TBC1D31: variants seen among roughly 807,000 people sequenced by gnomAD.
The protein encoded by TBC1D31 is WD repeat domain 67.
In TBC1D31, 99 loss-of-function variants were observed where a neutral mutation model predicts 132.9. That is an observed-to-expected ratio of 0.74 (90% CI 0.63 to 0.88). The LOEUF is 0.88. Among genes scored for constraint, TBC1D31 ranks in the 40% least tolerant of loss-of-function variants. The pLI is 0.00. For missense variants in TBC1D31, 1,134 were observed against 1,256.6 expected (o/e 0.90, Z 1.48); for synonymous variants, 385 against 419.4 (o/e 0.92, Z 1.00).
At chr8:123,150,588 G>A (rs775712129) in intron 21 of TBC1D31, among the ~76,000 whole-genome samples, 4 of 152,184 alleles carry the variant, frequency 2.6e-5, no homozygotes, top group East Asian at 3.9e-4. Context: ...TGGGCACTCC[G>A]ATGGAATTCT....
intron 1 of TBC1D31, among the ~76,000 whole-genome samples, chr8:123,076,334 GTGTA>G (rs1458974915): frequency 8.7e-5 from 8 of 91,918 alleles, no homozygotes; most frequent in South Asian, 3.3e-4. Context: ...TTTTAATTGT[GTGTA>G]TGTGTGTGTG....
At chr8:123,156,713 C>A (rs571958599), downstream of TBC1D31, among the ~76,000 whole-genome samples, 2 of 152,270 alleles carry the variant, frequency 1.3e-5, no homozygotes, top group African/African-American at 4.8e-5. Context: ...CCCTGACACC[C>A]CTCTCCCAGA....
At chr8:123,084,070 C>T in intron 3 of TBC1D31, 92 bp from the exon 4 acceptor site, 1 of 1,068,810 alleles carries the variant, frequency 9.4e-7, no homozygotes, top group Non-Finnish European at 1.4e-6. Flanking sequence ...CCTAACCACC[C>T]ATTGCATCAG....
intron 5 of TBC1D31, 120 bp from the exon 6 acceptor site, chr8:123,097,162 G>A (rs758574074): frequency 2.6e-5 from 26 of 987,176 alleles, no homozygotes; most frequent in Non-Finnish European, 3.9e-5. Context: ...CATGGGACTA[G>A]TGTGACCATA....
chr8:123,100,919 G>A lies in TBC1D31; in HGVS notation c.944G>A (p.Ser315Asn). Residue 315 changes from serine to asparagine, a missense_variant, in exon 7 of 22, where the codon AGC becomes AAC. Coordinates refer to ENST00000287380, the MANE Select transcript of TBC1D31 (RefSeq NM_145647.4). ...LDEGISSSAISPHGRYIASIM... is the reference protein window; with the variant it reads ...LDEGISSSAINPHGRYIASIM... ...GAAGGAATTAGCTCATCAGCAATTA[G>A]CCCACATGGACGGTACATTGCATCT... 1 of 1,613,944 alleles carries A rather than the reference G, an allele frequency of 6.2e-7. No homozygotes were observed. The highest frequency in any genetic ancestry group is 8.5e-7 in the Non-Finnish European group (1 of 1,179,888).
In TBC1D31 at chr8:123,142,451, A is replaced by G. The variant is rs2080460214; in HGVS notation, c.2830A>G (p.Lys944Glu). The G allele has an allele frequency of 6.4e-7, 1 of 1,557,526 alleles. No individual in the cohort carries two copies. The highest frequency in any genetic ancestry group is 2.1e-5 in the Admixed American group (1 of 47,480). Residue 944 changes from lysine to glutamate, a missense_variant, in exon 19 of 22, where the codon AAG becomes GAG. Coordinates refer to ENST00000287380, the MANE Select transcript of TBC1D31 (RefSeq NM_145647.4). ...IINAMVEEEA[K>E]KWKEAEGKEF... is the part of the protein sequence containing the mutation. ...AAATGCAATGGTGGAGGAGGAAGCC[A>G]AGAAGGTAAAAAATAGTGTTATAAA...
intron 4 of TBC1D31, among the ~76,000 whole-genome samples, chr8:123,089,707 C>G (rs1242661651): frequency 3.9e-5 from 6 of 151,976 alleles, no homozygotes. Flanking sequence ...GCTCCTGTCT[C>G]AAAAAAACAA....
At chr8:123,101,626 G>C (rs1040065685) in intron 7 of TBC1D31, among the ~76,000 whole-genome samples, 1 of 152,078 alleles carries the variant, frequency 6.6e-6, no homozygotes, top group Non-Finnish European at 1.5e-5. Context: ...TGTTGGTCAG[G>C]CTGGTCTCAA....
intron 10 of TBC1D31, among the ~76,000 whole-genome samples, chr8:123,113,058 A>G (rs1401944592): frequency 6.6e-6 from 1 of 152,218 alleles, no homozygotes; most frequent in Non-Finnish European, 1.5e-5. Context: ...ACATTACTTC[A>G]AAAATGATGA....
At chr8:123,126,469 T>C (rs746367992) in intron 12 of TBC1D31, 39 bp from the exon 13 acceptor site, 2 of 1,574,986 alleles carry the variant, frequency 1.3e-6, no homozygotes, top group African/African-American at 1.4e-5. Context: ...TTTTTACTTT[T>C]CCCTAGAAAA....
Position 123,097,338 on chromosome 8 carries a change from T to C in TBC1D31, c.728T>C (p.Leu243Ser), listed in dbSNP as rs1309713752. The C allele has an allele frequency of 2.5e-6, 4 of 1,614,090 alleles. No homozygotes were observed. Among genetic ancestry groups the C allele is most frequent in the Admixed American group, 1.7e-5 (1 of 60,002 alleles). The stretch of plus-strand genomic sequence containing the variant: ...TCAAATCATCTTCATTTGTGGTGCT[T>C]GGAAGCTAGGCAGCTCTTTAGAATT... The part of the protein sequence containing the change: ...GKSNHLHLWC[L>S]EARQLFRIIQ... Residue 243 changes from leucine (L) to serine (S), a missense_variant, in exon 6 of 22, where the codon TTG becomes TCG. By Grantham distance (145) the Leu-to-Ser change is moderately radical (BLOSUM62 -2). Transcript: ENST00000287380.
downstream of TBC1D31, among the ~76,000 whole-genome samples, chr8:123,152,477 C>A (rs1822866059): frequency 6.6e-6 from 1 of 152,134 alleles, no homozygotes; most frequent in Non-Finnish European, 1.5e-5. Context: ...ACTGCTCTTC[C>A]TCCCTCCCTC....
chr8:123,093,527 A>G (rs1373725171), intron 4 of TBC1D31, 64 bp from the exon 5 acceptor site: 1 of 1,161,886 alleles, frequency 8.6e-7, no homozygotes, highest in Non-Finnish European at 1.2e-6. Flanking sequence ...TACTTGTATA[A>G]TTTTAAATTT....
intron 20 of TBC1D31, among the ~76,000 whole-genome samples, chr8:123,145,815 C>T (rs1215225950): frequency 6.6e-6 from 1 of 150,456 alleles, no homozygotes; most frequent in Admixed American, 6.6e-5. Flanking sequence ...AAAATAATAG[C>T]TTTGTTGATA....
In TBC1D31 at chr8:123,072,727, C is replaced by T. The variant is rs1396767323; in HGVS notation, c.-43C>T. On this transcript the variant is annotated 5_prime_UTR_variant, in exon 1 of 22. In the 5' UTR this introduces an upstream ATG that the reference lacks. Transcript: ENST00000287380. ...TGGGCCTGCCGGGAAGGCGCTGGGACGGTTACCCAGCGGGCCGCCGGCGGT... is the reference window on the plus strand; with the variant it reads ...TGGGCCTGCCGGGAAGGCGCTGGGATGGTTACCCAGCGGGCCGCCGGCGGT... The T allele has an allele frequency of 1.3e-6, 2 of 1,542,658 alleles. No individual in the cohort carries two copies. The highest frequency in any genetic ancestry group is 2.5e-5 in the East Asian group (1 of 40,810).
At chr8:123,154,869 A>G (rs1822946859), downstream of TBC1D31, among the ~76,000 whole-genome samples, 1 of 152,184 alleles carries the variant, frequency 6.6e-6, no homozygotes, top group Admixed American at 6.5e-5. Flanking sequence ...GAGTAAGCCA[A>G]ACAGCACATT....
chr8:123,153,355 C>A (rs1187557308), downstream of TBC1D31, among the ~76,000 whole-genome samples: 1 of 152,170 alleles, frequency 6.6e-6, no homozygotes, highest in Non-Finnish European at 1.5e-5. Flanking sequence ...CTAGTCAGGT[C>A]TCTTTTGCAG....
At chr8:123,082,662 T>C (rs1188726333) in intron 2 of TBC1D31, 40 bp from the exon 3 acceptor site, 1 of 1,380,418 alleles carries the variant, frequency 7.2e-7, no homozygotes, top group African/African-American at 1.4e-5. Context: ...TTGTAATTAT[T>C]GGAAGAATTT....
intron 2 of TBC1D31, among the ~76,000 whole-genome samples, chr8:123,077,727 TGTGGG>T (rs1241501177): frequency 1.3e-5 from 2 of 152,098 alleles, no homozygotes; most frequent in Non-Finnish European, 2.9e-5. Flanking sequence ...ACATTGTTGT[TGTGGG>T]GTGCCAGATC....
Sources: gnomAD v4.1 joint callset for allele counts (sites outside exome capture counted in the v4.1 genomes callset) on GRCh38, gnomAD v4.1.1 for gene constraint, MANE v1.5 for transcripts, NCBI Gene and HGNC (gene_info 2026-07-23, HGNC 2026-07-21) for gene names.